Variants in XIRP2 observed in about 807,000 individuals in gnomAD.
XIRP2 encodes the protein xin actin binding repeat containing 2, also known as xin actin-binding repeat-containing protein 2.
A neutral mutation model predicts 277.0 loss-of-function variants in XIRP2; 236 were observed. That is an observed-to-expected ratio of 0.85 (90% CI 0.77 to 0.95). XIRP2 has a LOEUF of 0.95. Among genes scored for constraint, XIRP2 ranks in the 40% least tolerant of loss-of-function variants. XIRP2 has a pLI of 0.00. For synonymous variants in XIRP2, 1,490 were observed against 1,416.5 expected (o/e 1.05, Z -1.17); for missense variants, 4,640 against 4,157.5 (o/e 1.12, Z -3.19).
rs772406245 is a variant in XIRP2, at chr2:167,244,020, G to A, written c.2628G>A (p.Lys876=). Residue 876 remains lysine (K), a synonymous_variant, in exon 9 of 11, where the codon AAG becomes AAA. Transcript: ENST00000409195. ...TAGGTGGTGATGTACAAACTACTAA[G>A]CATCTATTTGAAACACTTCCAATTG... The part of the protein sequence containing the change: ...EIIGGDVQTT[K]HLFETLPIEA... 3.7e-6 allele frequency: 6 copies of A among 1,613,928 alleles called. No individual in the cohort carries two copies. Among genetic ancestry groups the A allele is most frequent in the Non-Finnish European group, 5.1e-6 (6 of 1,179,932 alleles).
chr2:167,191,427 T>C (rs1214536517), intron 3 of XIRP2, among the ~76,000 whole-genome samples: 1 of 152,136 alleles, frequency 6.6e-6, no homozygotes, highest in Admixed American at 6.5e-5. Flanking sequence ...CAAATCTTTG[T>C]GCCAAAAGAC....
At chr2:166,932,716 G>A (rs773992415) in intron 2 of XIRP2, among the ~76,000 whole-genome samples, 7 of 151,926 alleles carry the variant, frequency 4.6e-5, no homozygotes, top group Non-Finnish European at 7.4e-5. Flanking sequence ...TTGTGTGTCT[G>A]GTGTGAGGTA....
chr2:167,024,462 C>T (rs563599522), intron 2 of XIRP2, among the ~76,000 whole-genome samples: 37 of 152,086 alleles, frequency 2.4e-4, no homozygotes, highest in South Asian at 1.2e-3. Flanking sequence ...TCCTGCCTAA[C>T]TGCCCTGGCC....
intron 2 of XIRP2, among the ~76,000 whole-genome samples, chr2:167,009,863 C>T (rs878891366): frequency 6.6e-6 from 1 of 152,112 alleles, no homozygotes; most frequent in Admixed American, 6.5e-5. Flanking sequence ...TAAATGTCTT[C>T]TTTTGAGAAG....
intron 2 of XIRP2, among the ~76,000 whole-genome samples, chr2:167,050,438 T>C (rs1354398047): frequency 6.6e-6 from 1 of 152,086 alleles, no homozygotes; most frequent in East Asian, 1.9e-4. Flanking sequence ...TCCATTGCAT[T>C]ATCCAAATGA....
At chr2:167,211,045 T>G in intron 4 of XIRP2, 150 bp downstream of exon 4, 1 of 941,778 alleles carries the variant, frequency 1.1e-6, no homozygotes. Flanking sequence ...CCAGACTATC[T>G]GAATTTAAGT....
At chr2:167,157,041 C>T (rs1692223620) in intron 3 of XIRP2, among the ~76,000 whole-genome samples, 1 of 152,104 alleles carries the variant, frequency 6.6e-6, no homozygotes. Flanking sequence ...CCAATTCCCA[C>T]TACAAAGTAA....
At chr2:166,952,700 C>A (rs1686066339) in intron 2 of XIRP2, among the ~76,000 whole-genome samples, 1 of 151,784 alleles carries the variant, frequency 6.6e-6, no homozygotes, top group Non-Finnish European at 1.5e-5. Context: ...TGGAAAAGAA[C>A]AATTTATGCT....
At chr2:167,040,275 C>A (rs1217079077) in intron 2 of XIRP2, among the ~76,000 whole-genome samples, 1 of 151,614 alleles carries the variant, frequency 6.6e-6, no homozygotes, top group African/African-American at 2.4e-5. Flanking sequence ...AGAAAGAAGG[C>A]ATTGAGTGTA....
At chr2:167,165,132 G>C (rs962253759) in intron 3 of XIRP2, among the ~76,000 whole-genome samples, 2 of 152,056 alleles carry the variant, frequency 1.3e-5, no homozygotes, top group Non-Finnish European at 2.9e-5. Flanking sequence ...CTTTCATTTA[G>C]TAATATGCAT....
intron 2 of XIRP2, among the ~76,000 whole-genome samples, chr2:167,045,929 C>T (rs570875561): frequency 3.2e-4 from 49 of 152,040 alleles, no homozygotes; most frequent in African/African-American, 1.1e-3. Context: ...GTGGGTTTGT[C>T]GTAGATAGCT....
At chr2:167,081,777 G>A (rs902431606) in intron 2 of XIRP2, among the ~76,000 whole-genome samples, 2 of 152,142 alleles carry the variant, frequency 1.3e-5, no homozygotes, top group Non-Finnish European at 2.9e-5. Context: ...TGGCTTTGAT[G>A]TATGATTTCC....
chr2:167,198,256 G>T (rs1693577364), intron 3 of XIRP2, among the ~76,000 whole-genome samples: 1 of 152,166 alleles, frequency 6.6e-6, no homozygotes, highest in Non-Finnish European at 1.5e-5. Flanking sequence ...GCATTTATAG[G>T]CAAAGGGTAT....
chr2:167,083,069 T>C (rs1023709507), intron 2 of XIRP2, among the ~76,000 whole-genome samples: 2 of 152,234 alleles, frequency 1.3e-5, no homozygotes, highest in East Asian at 1.9e-4. Context: ...GGGTTTTTTA[T>C]GGTTTTAGGT....
intron 2 of XIRP2, among the ~76,000 whole-genome samples, chr2:166,915,783 C>T (rs1567534): frequency 0.3 from 45,660 of 152,022 alleles, 7,445 homozygotes; most frequent in East Asian, 0.55. Flanking sequence ...TTATGATCTT[C>T]CCCCAAACCA....
intron 2 of XIRP2, among the ~76,000 whole-genome samples, chr2:167,024,663 C>A (rs189023797): frequency 0.031 from 4,713 of 151,910 alleles, 84 homozygotes; most frequent in East Asian, 0.081. Flanking sequence ...TTTAGCATGA[C>A]GTGTTGTTGA....
intron 3 of XIRP2, among the ~76,000 whole-genome samples, chr2:167,143,280 G>A (rs1190991593): frequency 2.0e-5 from 3 of 152,156 alleles, no homozygotes; most frequent in African/African-American, 7.2e-5. Flanking sequence ...AACACTAGGA[G>A]ATGAACAGTG....
Position 167,250,935 on chromosome 2 carries a change from A to G in XIRP2, c.9543A>G (p.Gln3181=). ...CTCCACCCAGGAGTCGCTCTGAACA[A>G]CTTGTCAGACTCAAAGACACCACTG... ...SPSPPRSRSE[Q]LVRLKDTTAK... Residue 3181 remains glutamine, a synonymous_variant, in exon 9 of 11, where the codon CAA becomes CAG. Transcript: ENST00000409195. 2 of 1,613,488 alleles carry G rather than the reference A, an allele frequency of 1.2e-6. No homozygotes were observed. The highest frequency in any genetic ancestry group is 1.7e-6 in the Non-Finnish European group (2 of 1,179,714).
chr2:167,018,480 T>C (rs1687893528), intron 2 of XIRP2, among the ~76,000 whole-genome samples: 2 of 151,928 alleles, frequency 1.3e-5, no homozygotes, highest in South Asian at 4.1e-4. Context: ...TAGTCCATGA[T>C]AAGAAACCTG....
Sources: allele counts gnomAD v4.1 joint callset (sites outside exome capture counted in the v4.1 genomes callset), GRCh38; gene constraint gnomAD v4.1.1; transcripts MANE v1.5; gene names NCBI Gene and HGNC (gene_info 2026-07-23, HGNC 2026-07-21).